Variants in DZANK1 observed in about 807,000 individuals in gnomAD.
DZANK1 encodes the protein double zinc ribbon and ankyrin repeat domains 1, also known as double zinc ribbon and ankyrin repeat-containing protein 1.
A neutral mutation model predicts 94.5 loss-of-function variants in DZANK1; 91 were observed. That is an observed-to-expected ratio of 0.96 (90% CI 0.81 to 1.15). The LOEUF (loss-of-function observed/expected upper bound fraction) is 1.15, where lower values mean the gene tolerates loss of function less well. DZANK1 is among the 50% of genes most tolerant of loss of function. DZANK1 has a pLI of 0.00. For missense variants in DZANK1, 903 were observed against 916.4 expected, an observed-to-expected ratio of 0.99 and a Z score of 0.19; for synonymous variants, 312 against 325.3, an observed-to-expected ratio of 0.96 and a Z score of 0.44.
intron 6 of DZANK1, 100 bp from the exon 7 acceptor site, chr20:18,449,169 G>A (rs1297854417): frequency 2.1e-5 from 19 of 926,368 alleles, no homozygotes; most frequent in Admixed American, 1.6e-4. Flanking sequence ...CATTATGGGT[G>A]AATACACATA....
intron 12 of DZANK1, 164 bp from the exon 13 acceptor site, chr20:18,413,017 T>C (rs2057331547): frequency 1.3e-5 from 9 of 674,200 alleles, no homozygotes; most frequent in Admixed American, 2.9e-5. Flanking sequence ...CTTGCTCCTG[T>C]CTTTCTCAGC....
chr20:18,453,314 AACCCTGGGTCCCCTTCCTGATGCTGAT>A (rs2059170394), intron 5 of DZANK1, among the ~76,000 whole-genome samples: 1 of 152,164 alleles, frequency 6.6e-6, no homozygotes, highest in Non-Finnish European at 1.5e-5. Flanking sequence ...AAGGCAACAG[AACCCTGGGTCCCCTTCCTGATGCTGAT>A]ACCCTGGGTC....
chr20:18,415,486 A>G (rs1271909286), intron 10 of DZANK1, 37 bp from the exon 11 acceptor site: 2 of 1,367,712 alleles, frequency 1.5e-6, no homozygotes, highest in Non-Finnish European at 1.9e-6. Context: ...CAGGATCAGT[A>G]CTATATTCTC....
chr20:18,445,309 C>T (rs1477368843), intron 7 of DZANK1, among the ~76,000 whole-genome samples: 1 of 152,116 alleles, frequency 6.6e-6, no homozygotes, highest in Non-Finnish European at 1.5e-5. Context: ...TGTTTATGTA[C>T]TTAATAGCAG....
intron 9 of DZANK1, among the ~76,000 whole-genome samples, chr20:18,427,445 C>T (rs1458711977): frequency 6.6e-6 from 1 of 152,030 alleles, no homozygotes; most frequent in African/African-American, 2.4e-5. Flanking sequence ...ACTTCAGCCC[C>T]CTAAAGTGCT....
chr20:18,386,618 A>G (rs79684676), intron 19 of DZANK1, among the ~76,000 whole-genome samples: 4,138 of 152,276 alleles, frequency 0.027, 88 homozygotes, highest in African/African-American at 0.057. Flanking sequence ...AAGAGAAAAA[A>G]ATAGATGAAA....
intron 3 of DZANK1, among the ~76,000 whole-genome samples, chr20:18,459,542 G>A (rs1176568282): frequency 1.3e-5 from 2 of 152,230 alleles, no homozygotes; most frequent in East Asian, 1.9e-4. Flanking sequence ...CAGCCACACA[G>A]AATTGCAAGG....
rs146886592 is a variant in DZANK1 at position 18,391,803 on chromosome 20, T to C, written c.1810-1344A>G. ...CAAGGCCTCTGAGCCTTTCAGAAGA[T>C]GATGCCTGGTCCAGGCGGTGCTGCC... On this transcript the variant is annotated intron_variant, in intron 17 of 20. Coordinates refer to ENST00000262547, the Ensembl canonical transcript of DZANK1. Among the ~76,000 whole-genome samples the C allele has an allele frequency of 8.3e-4, 126 of 152,324 alleles. 1 individual carries two copies. The highest frequency in any genetic ancestry group is 2.9e-3 in the African/African-American group (122 of 41,586).
intron 6 of DZANK1, among the ~76,000 whole-genome samples, chr20:18,452,207 C>A (rs2059127763): frequency 6.6e-6 from 1 of 152,072 alleles, no homozygotes; most frequent in Non-Finnish European, 1.5e-5. Context: ...AACCACAGCT[C>A]TAGATACTCT....
intron 8 of DZANK1, among the ~76,000 whole-genome samples, chr20:18,434,401 T>C (rs1365505809): frequency 6.6e-6 from 1 of 151,622 alleles, no homozygotes; most frequent in East Asian, 1.9e-4. Context: ...AAAAATTAGC[T>C]GGGCGTAGTG....
intron 2 of DZANK1, among the ~76,000 whole-genome samples, chr20:18,464,198 C>A (rs1228357120): frequency 6.6e-6 from 1 of 151,750 alleles, no homozygotes; most frequent in South Asian, 2.1e-4. Context: ...CTCAGCCTCC[C>A]GAGTAGCTGG....
intron 10 of DZANK1, among the ~76,000 whole-genome samples, chr20:18,419,154 C>T (rs767462044): frequency 6.6e-6 from 1 of 150,700 alleles, no homozygotes; most frequent in South Asian, 2.1e-4. Flanking sequence ...TCCAGCTACT[C>T]GGGAGGGTGA....
intron 10 of DZANK1, among the ~76,000 whole-genome samples, chr20:18,415,899 T>C (rs1267285440): frequency 6.6e-6 from 1 of 152,204 alleles, no homozygotes; most frequent in African/African-American, 2.4e-5. Flanking sequence ...AGAACAATTA[T>C]TTTATATTGG....
At chr20:18,395,746 T>G (rs1346133434) in intron 15 of DZANK1, among the ~76,000 whole-genome samples, 1 of 152,186 alleles carries the variant, frequency 6.6e-6, no homozygotes, top group African/African-American at 2.4e-5. Flanking sequence ...CTTCTCTCAC[T>G]TCCCTTCCCC....
chr20:18,462,447 T>C (rs991257521), intron 2 of DZANK1, among the ~76,000 whole-genome samples: 1 of 152,144 alleles, frequency 6.6e-6, no homozygotes, highest in African/African-American at 2.4e-5. Flanking sequence ...TCCTACAAAA[T>C]GTCTTTTCAT....
At chr20:18,406,629 C>T (rs114254604) in intron 13 of DZANK1, among the ~76,000 whole-genome samples, 217 of 152,338 alleles carry the variant, frequency 1.4e-3, no homozygotes, top group African/African-American at 5.0e-3. Flanking sequence ...GTTGTAGTGG[C>T]TATGGTGCAA....
chr20:18,395,097 C>G (rs987491375), intron 15 of DZANK1, among the ~76,000 whole-genome samples: 3 of 152,178 alleles, frequency 2.0e-5, no homozygotes, highest in African/African-American at 7.2e-5. Context: ...TGCAGTGGCT[C>G]ACTTCTGTAA....
chr20:18,389,940 G>A, intron 18 of DZANK1, 112 bp from the exon 19 acceptor site: 1 of 1,486,996 alleles, frequency 6.7e-7, no homozygotes, highest in Non-Finnish European at 9.1e-7. Context: ...TGCAACTAAA[G>A]TGCTTTCAGA....
In DZANK1 at chr20:18,441,008, C is replaced by T. The variant is rs1447727395; in HGVS notation, c.747+2339G>A. ...CAAGAAGTATATTATTTTGGGCTGT[C>T]ATAGGAGCCCTCTGGTTCCTGCACC... On this transcript the variant is annotated intron_variant, in intron 8 of 20. Coordinates refer to ENST00000262547, the Ensembl canonical transcript of DZANK1. This position sits in a 1 kb window ranked among gnomAD's most constrained non-coding sequence, Gnocchi z 4.1. 6.6e-6 allele frequency among the ~76,000 whole-genome samples: 1 copy of T among 152,164 alleles called. No homozygotes were observed. Among genetic ancestry groups the T allele is most frequent in the South Asian group, 2.1e-4 (1 of 4,820 alleles).
Sources: allele counts gnomAD v4.1 joint callset (sites outside exome capture counted in the v4.1 genomes callset), GRCh38; gene constraint gnomAD v4.1.1; non-coding constraint Gnocchi (gnomAD v3.1); transcripts MANE v1.5; gene names NCBI Gene and HGNC (gene_info 2026-07-23, HGNC 2026-07-21).